The following LRRIQ3 variants were observed in gnomAD, a reference collection of about 807,000 sequenced individuals.
LRRIQ3 encodes leucine rich repeats and IQ motif containing 3, also known as leucine-rich repeat and IQ domain-containing protein 3.
In LRRIQ3, 75 loss-of-function variants were observed where a neutral mutation model predicts 59.3. The ratio of observed to expected loss-of-function variants is 1.26; its 90% confidence interval spans 1.05 to 1.53. The LOEUF (loss-of-function observed/expected upper bound fraction) is 1.53. Ranked by LOEUF, LRRIQ3 falls within the 40% of genes most tolerant of loss-of-function variation. The pLI is 0.00. For synonymous variants in LRRIQ3, 250 were observed against 231.3 expected (o/e 1.08, Z -0.73); for missense variants, 831 against 710.0 (o/e 1.17, Z -1.94).
intron 6 of LRRIQ3, among the ~76,000 whole-genome samples, chr1:74,071,032 T>C (rs12057948): frequency 0.5 from 59,380 of 119,006 alleles, 12,956 homozygotes; most frequent in Middle Eastern, 0.63. Context: ...TATATATATA[T>C]ACACACACAC....
At chr1:74,071,379 T>A (rs1240607247) in intron 6 of LRRIQ3, among the ~76,000 whole-genome samples, 2 of 152,076 alleles carry the variant, frequency 1.3e-5, no homozygotes, top group Non-Finnish European at 2.9e-5. Flanking sequence ...GTGTGTTCCC[T>A]GGAAAATGTC....
At chr1:74,108,038 C>A (rs1176937124) in intron 5 of LRRIQ3, among the ~76,000 whole-genome samples, 1 of 151,556 alleles carries the variant, frequency 6.6e-6, no homozygotes, top group African/African-American at 2.4e-5. Context: ...ACTAAAAAAT[C>A]TTTGGAAAAT....
intron 6 of LRRIQ3, among the ~76,000 whole-genome samples, chr1:74,073,716 T>C (rs547219671): frequency 6.6e-6 from 1 of 152,026 alleles, no homozygotes; most frequent in East Asian, 1.9e-4. Flanking sequence ...GACCAATTCA[T>C]ATGCAAAGAA....
At chr1:74,151,011 CTTTTTTTTTTTTTTTT>C (rs59890149) in intron 4 of LRRIQ3, among the ~76,000 whole-genome samples, 2 of 63,392 alleles carry the variant, frequency 3.2e-5, no homozygotes, top group Admixed American at 2.3e-4. Flanking sequence ...ATGATGCTTT[CTTTTTTTTTTTTTTTT>C]TTTTTTTTTT....
intron 4 of LRRIQ3, among the ~76,000 whole-genome samples, chr1:74,124,741 A>C (rs980509197): frequency 6.6e-6 from 1 of 151,848 alleles, no homozygotes; most frequent in African/African-American, 2.4e-5. Flanking sequence ...GAACAGTCCT[A>C]TGTTGTTTTG....
At position 74,097,458 on chromosome 1, in the gene LRRIQ3, G is replaced by A. The variant is rs1214750831; in HGVS notation, c.867+11936C>T. Among the ~76,000 whole-genome samples the A allele has an allele frequency of 3.3e-5, 5 of 152,126 alleles. 1 individual carries two copies. In the South Asian group the frequency reaches 1.0e-3, roughly 32 times the overall value. On this transcript the variant is annotated intron_variant, in intron 5 of 7. Transcript: ENST00000354431. ...TGTACCTAAAAGTGACAAGGAGAAT[G>A]GAACCAAGTTGGAAAACACTCTGCA... is the stretch of plus-strand genomic sequence containing the variant.
chr1:74,073,977 AT>A (rs1361089724), intron 6 of LRRIQ3, among the ~76,000 whole-genome samples: 1 of 152,172 alleles, frequency 6.6e-6, no homozygotes, highest in African/African-American at 2.4e-5. Context: ...GACAATAGGC[AT>A]TTTTATTCAA....
chr1:74,041,786 G>A lies in LRRIQ3; in HGVS notation c.1145C>T (p.Pro382Leu). 2 of 1,613,460 alleles carry A rather than the reference G, an allele frequency of 1.2e-6. No individual in the cohort carries two copies. Among genetic ancestry groups the A allele is most frequent in the Non-Finnish European group, 1.7e-6 (2 of 1,179,702 alleles). The change falls in exon 7 of 8, where the codon CCT (proline) becomes CTT (leucine). Residue 382 changes from proline to leucine, a missense_variant. By Grantham distance (98) the Pro-to-Leu change is moderately conservative. Transcript: ENST00000354431. ...TGGATGAGTAGTATAGATTGGCTGA[G>A]GATATGCAGGAAAAAAATGTTGTTT... ...EKKQHFFPAY[P>L]QPIYTTHPKP...
intron 3 of LRRIQ3, among the ~76,000 whole-genome samples, chr1:74,174,473 C>T (rs1043932298): frequency 4.6e-5 from 7 of 151,904 alleles, no homozygotes; most frequent in Non-Finnish European, 7.4e-5. Flanking sequence ...ACCTCTGCCT[C>T]CCAGGTTCAA....
At chr1:74,056,041 A>T (rs1654524381) in intron 6 of LRRIQ3, among the ~76,000 whole-genome samples, 1 of 151,596 alleles carries the variant, frequency 6.6e-6, no homozygotes, top group South Asian at 2.1e-4. Flanking sequence ...GCTACTCAGG[A>T]GGCTGAGGCA....
At chr1:74,117,544 T>G (rs1570143879) in intron 4 of LRRIQ3, among the ~76,000 whole-genome samples, 1 of 152,132 alleles carries the variant, frequency 6.6e-6, no homozygotes, top group East Asian at 1.9e-4. Flanking sequence ...GGTGGGCAAA[T>G]CACTTGAGGT....
intron 3 of LRRIQ3, among the ~76,000 whole-genome samples, chr1:74,169,566 TAA>T (rs1649197076): frequency 6.6e-6 from 1 of 152,112 alleles, no homozygotes; most frequent in African/African-American, 2.4e-5. Flanking sequence ...CACTTTTTTT[TAA>T]GAGACAGGGT....
intron 6 of LRRIQ3, among the ~76,000 whole-genome samples, chr1:74,072,537 C>T (rs959192864): frequency 2.6e-5 from 4 of 151,638 alleles, no homozygotes; most frequent in Non-Finnish European, 5.9e-5. Context: ...GTTTTTATCA[C>T]GTTCTTAAAT....
chr1:74,156,510 C>T (rs1444866561), intron 3 of LRRIQ3, among the ~76,000 whole-genome samples: 4 of 151,956 alleles, frequency 2.6e-5, no homozygotes, highest in African/African-American at 4.8e-5. Context: ...TTGATGATAA[C>T]TTTTTCCATT....
chr1:74,073,750 C>T (rs1646164655), intron 6 of LRRIQ3, among the ~76,000 whole-genome samples: 1 of 152,014 alleles, frequency 6.6e-6, no homozygotes, highest in African/African-American at 2.4e-5. Context: ...GGGATAAAGA[C>T]ACCATCATGG....
chr1:74,029,389 T>C (rs554714877), intron 7 of LRRIQ3, among the ~76,000 whole-genome samples: 1 of 151,628 alleles, frequency 6.6e-6, no homozygotes, highest in East Asian at 1.9e-4. Flanking sequence ...GGTAATTTAT[T>C]GAGAGTTTTT....
At chr1:74,127,318 T>C (rs529558611) in intron 4 of LRRIQ3, among the ~76,000 whole-genome samples, 3 of 152,120 alleles carry the variant, frequency 2.0e-5, no homozygotes, top group East Asian at 1.9e-4. Flanking sequence ...ATGCTTTTGA[T>C]TGGAGAGGTT....
chr1:74,185,085 T>C (rs1450207525), intron 1 of LRRIQ3, among the ~76,000 whole-genome samples: 1 of 152,228 alleles, frequency 6.6e-6, no homozygotes, highest in African/African-American at 2.4e-5. Context: ...GTTTCCAACT[T>C]TACACAATTA....
At chr1:74,051,013 T>C (rs776092319) in intron 6 of LRRIQ3, among the ~76,000 whole-genome samples, 80 of 152,208 alleles carry the variant, frequency 5.3e-4, no homozygotes, top group Non-Finnish European at 8.1e-4. Flanking sequence ...ACATCTCACA[T>C]GTAATAAAGC....
Sources: gnomAD v4.1 joint callset for allele counts (sites outside exome capture counted in the v4.1 genomes callset) on GRCh38, gnomAD v4.1.1 for gene constraint, MANE v1.5 for transcripts, NCBI Gene and HGNC (gene_info 2026-07-23, HGNC 2026-07-21) for gene names.